Variants in ELOVL5 observed in about 807,000 individuals in gnomAD.
ELOVL5 encodes ELOVL fatty acid elongase 5, also known as very long chain fatty acid elongase 5.
In ELOVL5, 8 loss-of-function variants were observed where a neutral mutation model predicts 38.6. The observed-to-expected ratio is 0.21, with a 90% confidence interval of 0.12 to 0.37. The LOEUF (loss-of-function observed/expected upper bound fraction) is 0.37. Among genes scored for constraint, ELOVL5 ranks in the 10% least tolerant of loss-of-function variants. ELOVL5 has a pLI of 1.00. For missense variants in ELOVL5, 280 were observed against 367.8 expected, an observed-to-expected ratio of 0.76 and a Z score of 1.95; for synonymous variants, 127 against 133.7, an observed-to-expected ratio of 0.95 and a Z score of 0.34.
At chr6:53,348,362 G>C (rs888015820) in intron 1 of ELOVL5, among the ~76,000 whole-genome samples, 3 of 150,638 alleles carry the variant, frequency 2.0e-5, no homozygotes, top group Admixed American at 1.3e-4. Context: ...GGGTTTCGCC[G>C]ACTCCAAAGA....
rs1469308183 is a variant in ELOVL5 at position 53,269,231 on chromosome 6, G to C, written c.796C>G (p.Leu266Val). The change falls in exon 8 of 8, where the codon CTG (leucine) becomes GTG (valine). Residue 266 changes from leucine to valine, a missense_variant. Coordinates refer to ENST00000304434, the MANE Select transcript of ELOVL5 (RefSeq NM_021814.5). ...ATGGACCCATTCTGGTGGTCCTTCA[G>C]GTGGTCTTTCCTTCGGGAGGCCCCT... ...KKGASRRKDH[L>V]KDHQNGSMAA... 2.5e-6 allele frequency: 4 copies of C among 1,612,938 alleles called. No individual in the cohort carries two copies. In the African/African-American group the frequency reaches 4.0e-5, roughly 16 times the overall value.
chr6:53,340,653 G>A (rs1253570059), intron 1 of ELOVL5, among the ~76,000 whole-genome samples: 1 of 152,192 alleles, frequency 6.6e-6, no homozygotes, highest in Non-Finnish European at 1.5e-5. Flanking sequence ...ATTCAGTACA[G>A]TAACTTGCTG....
chr6:53,347,743 C>T (rs1196696651), intron 1 of ELOVL5, among the ~76,000 whole-genome samples: 1 of 152,074 alleles, frequency 6.6e-6, no homozygotes, highest in Non-Finnish European at 1.5e-5. Context: ...CCCGCCACCT[C>T]CGCCACTTTG....
intron 1 of ELOVL5, among the ~76,000 whole-genome samples, chr6:53,312,330 C>G (rs1490779937): frequency 6.6e-6 from 1 of 152,094 alleles, no homozygotes; most frequent in African/African-American, 2.4e-5. Flanking sequence ...TAAAACAAAC[C>G]ATGGTATATC....
chr6:53,296,628 A>G (rs984225584), intron 1 of ELOVL5, among the ~76,000 whole-genome samples: 5 of 152,152 alleles, frequency 3.3e-5, no homozygotes, highest in Admixed American at 1.3e-4. Context: ...TTACTTGCTT[A>G]TTTTCACTTA....
intron 5 of ELOVL5, among the ~76,000 whole-genome samples, chr6:53,273,606 C>T (rs745867898): frequency 3.3e-5 from 5 of 152,370 alleles, no homozygotes; most frequent in South Asian, 2.1e-4. Flanking sequence ...GAAGCCACGA[C>T]GCCATCCCAG....
intron 3 of ELOVL5, chr6:53,276,936 T>C (rs142270192): frequency 1.3e-5 from 2 of 151,154 alleles, no homozygotes; most frequent in East Asian, 2.0e-4. Flanking sequence ...TCAGAATCAC[T>C]TGCAGCACAG....
intron 1 of ELOVL5, among the ~76,000 whole-genome samples, chr6:53,298,520 T>C (rs748787373): frequency 1.3e-5 from 2 of 152,190 alleles, no homozygotes; most frequent in Non-Finnish European, 2.9e-5. Context: ...ACAAGTTATT[T>C]AATCTTTCTG....
In ELOVL5 at chr6:53,269,095, G is replaced by T. The variant is rs780687010; in HGVS notation, c.*32C>A. The T allele has an allele frequency of 2.5e-6, 4 of 1,608,628 alleles. No homozygotes were observed. The highest frequency in any genetic ancestry group is 2.2e-5 in the South Asian group (2 of 90,390). On this transcript the variant is annotated 3_prime_UTR_variant, in exon 8 of 8. Transcript: ENST00000304434. ...ACTCATATTGTGCTTACAATCAGAT[G>T]ACGTGGTTTGGAGGGTTTCAATTCT...
intron 1 of ELOVL5, among the ~76,000 whole-genome samples, chr6:53,322,685 C>A (rs898958113): frequency 6.6e-6 from 1 of 152,188 alleles, no homozygotes; most frequent in Non-Finnish European, 1.5e-5. Context: ...GGACAACCAG[C>A]CCACTATCTG....
chr6:53,284,590 A>C (rs998651951), intron 3 of ELOVL5, among the ~76,000 whole-genome samples: 17 of 152,242 alleles, frequency 1.1e-4, no homozygotes, highest in Admixed American at 6.5e-4. Context: ...TACACAAAAA[A>C]GGTGACAGAA....
At position 53,276,262 on chromosome 6, in the gene ELOVL5, AAAG is replaced by A. The variant is rs1766117825; in HGVS notation, c.247-9_247-7del. 6.3e-7 allele frequency: 1 copy of A among 1,596,552 alleles called. No individual in the cohort carries two copies. The highest frequency in any genetic ancestry group is 2.2e-5 in the East Asian group (1 of 44,800). On this transcript the variant is annotated splice_polypyrimidine_tract_variant and splice_region_variant and intron_variant, in intron 3 of 7. Transcript: ENST00000304434. Reference sequence around the variant, plus strand: ...TCCCATACTCCTGTTACTAACTAAAAAAGAAGAAAGAGCCAGTCACCAACAGCA... The same window carrying A: ...TCCCATACTCCTGTTACTAACTAAAAAAGAAAGAGCCAGTCACCAACAGCA...
At chr6:53,277,714 A>G (rs995301941) in intron 3 of ELOVL5, 5 of 152,244 alleles carry the variant, frequency 3.3e-5, no homozygotes, top group Non-Finnish European at 7.3e-5. Context: ...TGGCCAGTCA[A>G]GCAGGATCCA....
At chr6:53,336,478 G>A (rs1320382359) in intron 1 of ELOVL5, among the ~76,000 whole-genome samples, 2 of 152,180 alleles carry the variant, frequency 1.3e-5, no homozygotes, top group Non-Finnish European at 2.9e-5. Context: ...TGGGCAACAC[G>A]GTGAAACCTT....
At chr6:53,340,252 T>A (rs1326785731) in intron 1 of ELOVL5, among the ~76,000 whole-genome samples, 1 of 151,896 alleles carries the variant, frequency 6.6e-6, no homozygotes, top group Non-Finnish European at 1.5e-5. Flanking sequence ...AAATAATACA[T>A]ATTTTTAAAA....
At chr6:53,329,617 A>G (rs1449108873) in intron 1 of ELOVL5, among the ~76,000 whole-genome samples, 1 of 152,170 alleles carries the variant, frequency 6.6e-6, no homozygotes, top group Admixed American at 6.5e-5. Context: ...TGAGGTCAGG[A>G]GTTCGAGACC....
chr6:53,309,595 C>T (rs1318845153), intron 1 of ELOVL5, among the ~76,000 whole-genome samples: 1 of 152,162 alleles, frequency 6.6e-6, no homozygotes, highest in African/African-American at 2.4e-5. Context: ...AGTGCCCTTT[C>T]CCGATGAACC....
intron 1 of ELOVL5, among the ~76,000 whole-genome samples, chr6:53,300,934 T>G (rs932832366): frequency 6.6e-6 from 1 of 152,208 alleles, no homozygotes; most frequent in Non-Finnish European, 1.5e-5. Context: ...CATTCCCATC[T>G]TCCTTGCTGA....
At chr6:53,315,721 G>T (rs901391704) in intron 1 of ELOVL5, among the ~76,000 whole-genome samples, 1 of 152,148 alleles carries the variant, frequency 6.6e-6, no homozygotes, top group African/African-American at 2.4e-5. Context: ...AGAGAGTTTG[G>T]ATTAAACTGA....
Sources: gnomAD v4.1 joint callset for allele counts (sites outside exome capture counted in the v4.1 genomes callset) on GRCh38, gnomAD v4.1.1 for gene constraint, MANE v1.5 for transcripts, NCBI Gene and HGNC (gene_info 2026-07-23, HGNC 2026-07-21) for gene names.